The following FHL2 variants were observed in gnomAD, a reference collection of about 807,000 sequenced individuals.
The protein encoded by FHL2 is four and a half LIM domains protein 2.
FHL2 carries 20 observed loss-of-function variants against 32.7 expected under a neutral mutation model. That is an observed-to-expected ratio of 0.61 (90% confidence interval 0.43 to 0.89). The LOEUF (loss-of-function observed/expected upper bound fraction) is 0.89, where lower values mean the gene tolerates loss of function less well. FHL2 is among the 40% of genes least tolerant of loss of function. FHL2 has a pLI of 0.00. For synonymous variants in FHL2, 123 were observed against 128.1 expected, an observed-to-expected ratio of 0.96 and a Z score of 0.27; for missense variants, 311 against 358.6, an observed-to-expected ratio of 0.87 and a Z score of 1.07.
At chr2:105,422,137 A>G (rs1461807358) in intron 1 of FHL2, among the ~76,000 whole-genome samples, 1 of 152,230 alleles carries the variant, frequency 6.6e-6, no homozygotes, top group East Asian at 1.9e-4. Context: ...GTTGTGGACC[A>G]GAAAGGAAAA....
chr2:105,426,833 A>T (rs1684283627), intron 1 of FHL2, among the ~76,000 whole-genome samples: 1 of 152,218 alleles, frequency 6.6e-6, no homozygotes, highest in African/African-American at 2.4e-5. Context: ...GCTGAGAATT[A>T]GCCGGGTTGC....
chr2:105,363,256 C>T, intron 6 of FHL2, 29 bp downstream of exon 6: 1 of 1,611,064 alleles, frequency 6.2e-7, no homozygotes, highest in Non-Finnish European at 8.5e-7. Flanking sequence ...TCCAATCGCC[C>T]CTGGAAATGG....
chr2:105,369,903 A>T (rs1680902477), intron 4 of FHL2, among the ~76,000 whole-genome samples: 1 of 152,206 alleles, frequency 6.6e-6, no homozygotes, highest in Non-Finnish European at 1.5e-5. Context: ...CCTCAGGGAC[A>T]TGGCGCGTGC....
chr2:105,362,643 A>G (rs867265097), intron 6 of FHL2, among the ~76,000 whole-genome samples: 1 of 152,066 alleles, frequency 6.6e-6, no homozygotes, highest in African/African-American at 2.4e-5. Context: ...CCACCCAGTC[A>G]CTCATTTGTG....
chr2:105,430,987 G>T (rs570542336), intron 1 of FHL2, among the ~76,000 whole-genome samples: 1 of 152,096 alleles, frequency 6.6e-6, no homozygotes, highest in Non-Finnish European at 1.5e-5. Flanking sequence ...TTGATCTTTG[G>T]GTCTTCCTTT....
chr2:105,427,339 C>G (rs1030333493), intron 1 of FHL2, among the ~76,000 whole-genome samples: 25 of 152,136 alleles, frequency 1.6e-4, no homozygotes, highest in Admixed American at 7.9e-4. Flanking sequence ...TAAAAATATG[C>G]TGATCTCAAT....
downstream of FHL2, chr2:105,360,044 C>G (rs1288912472): frequency 2.0e-5 from 3 of 152,344 alleles, no homozygotes; most frequent in African/African-American, 7.2e-5. Context: ...GTGGCTCATG[C>G]CTATAATCCC....
chr2:105,424,887 G>A (rs1265867093), intron 1 of FHL2, among the ~76,000 whole-genome samples: 1 of 152,174 alleles, frequency 6.6e-6, no homozygotes, highest in Non-Finnish European at 1.5e-5. Flanking sequence ...GGGGGCCTGG[G>A]AGAGGGATAG....
At chr2:105,417,188 C>A (rs895928509) in intron 1 of FHL2, among the ~76,000 whole-genome samples, 4 of 150,484 alleles carry the variant, frequency 2.7e-5, no homozygotes, top group African/African-American at 9.8e-5. Flanking sequence ...CTGAGACCAT[C>A]CTGGCTAACA....
chr2:105,382,947 G>A (rs765506235), intron 3 of FHL2, among the ~76,000 whole-genome samples: 9 of 152,082 alleles, frequency 5.9e-5, no homozygotes, highest in Admixed American at 1.3e-4. Context: ...GTACAGTGGC[G>A]CAATCTTGGC....
In FHL2 at chr2:105,396,647, C is replaced by T; in HGVS notation, c.-25G>A. ...AACAGAGGAAATTCACTTGACTCAC[C>T]CCAAAGTCAAAATGCCAGCCTAGTC... On this transcript the variant is annotated splice_region_variant and 5_prime_UTR_variant, in exon 2 of 7. Coordinates refer to ENST00000530340, the MANE Select transcript of FHL2 (RefSeq NM_001318895.3). The T allele has an allele frequency of 6.2e-7, 1 of 1,612,414 alleles. No individual in the cohort carries two copies. Among genetic ancestry groups the T allele is most frequent in the Middle Eastern group, 1.6e-4 (1 of 6,062 alleles).
At chr2:105,395,479 CA>C (rs1182138052) in intron 2 of FHL2, among the ~76,000 whole-genome samples, 14 of 152,188 alleles carry the variant, frequency 9.2e-5, no homozygotes, top group Admixed American at 4.6e-4. Flanking sequence ...CCCCCACCCC[CA>C]TGCTGGCCTT....
intron 4 of FHL2, among the ~76,000 whole-genome samples, chr2:105,371,549 T>TCTCTCTCC (rs1681066404): frequency 8.2e-6 from 1 of 121,644 alleles, no homozygotes; most frequent in East Asian, 2.2e-4. Flanking sequence ...CCTTGAAATC[T>TCTCTCTCC]CTCTCTCTCT....
chr2:105,361,047 T>C lies in FHL2; in HGVS notation c.*236A>G. ...TTACATTTGGGTGTGCCTTACTCGA[T>C]TACAAAAATTTCAAACCATCTTCCC... On this transcript the variant is annotated 3_prime_UTR_variant, in exon 7 of 7. Transcript: ENST00000530340. The C allele has an allele frequency of 2.5e-6, 1 of 399,324 alleles. No individual in the cohort carries two copies. Among genetic ancestry groups the C allele is most frequent in the Non-Finnish European group, 4.5e-6 (1 of 224,056 alleles). The allele number at this position is 399,324 out of a possible 1,614,324, so 24.7% of individuals were successfully genotyped here.
intron 1 of FHL2, among the ~76,000 whole-genome samples, chr2:105,412,535 A>T (rs979696069): frequency 6.6e-6 from 1 of 152,206 alleles, no homozygotes; most frequent in Admixed American, 6.5e-5. Flanking sequence ...GATGGTATGA[A>T]CATAGGGGTC....
chr2:105,397,873 G>GTTTTT (rs1192168352), intron 1 of FHL2, among the ~76,000 whole-genome samples: 3 of 40,352 alleles, frequency 7.4e-5, no homozygotes, highest in Non-Finnish European at 1.3e-4. Context: ...AATGGTTTTT[G>GTTTTT]TTTTTTTGTT....
At chr2:105,403,253 A>G (rs180933073), upstream of FHL2, among the ~76,000 whole-genome samples, 744 of 152,382 alleles carry the variant, frequency 4.9e-3, 8 homozygotes, top group African/African-American at 0.017. Flanking sequence ...ATTAAGGTTC[A>G]GATCCTGTTC....
chr2:105,414,000 C>T (rs1683864842), intron 1 of FHL2, among the ~76,000 whole-genome samples: 1 of 152,188 alleles, frequency 6.6e-6, no homozygotes, highest in Non-Finnish European at 1.5e-5. Flanking sequence ...ACTTCAGATG[C>T]CGCTTGCAAA....
chr2:105,398,764 C>T (rs1298644801), intron 1 of FHL2, 78 bp downstream of exon 1: 3 of 1,210,640 alleles, frequency 2.5e-6, no homozygotes, highest in Non-Finnish European at 1.1e-6. Flanking sequence ...CAACTCCTTT[C>T]TCCCGGCTTC....
Sources: allele counts gnomAD v4.1 joint callset (sites outside exome capture counted in the v4.1 genomes callset), GRCh38; gene constraint gnomAD v4.1.1; transcripts MANE v1.5; gene names NCBI Gene and HGNC (gene_info 2026-07-23, HGNC 2026-07-21).